Variants in PARD3 observed in about 807,000 individuals in gnomAD.
PARD3 encodes the protein par-3 family cell polarity regulator.
A neutral mutation model predicts 155.4 loss-of-function variants in PARD3; 75 were observed. The ratio of observed to expected loss-of-function variants is 0.48; its 90% CI spans 0.40 to 0.58. The LOEUF is 0.58. Ranked by LOEUF, PARD3 falls within the 20% of genes least tolerant of loss-of-function variation. PARD3 has a pLI of 0.00. For missense variants in PARD3, 1,642 were observed against 1,721.7 expected (o/e 0.95, Z 0.82); for synonymous variants, 576 against 610.5 (o/e 0.94, Z 0.83).
intron 1 of PARD3, among the ~76,000 whole-genome samples, chr10:34,755,916 T>C (rs960694957): frequency 6.6e-6 from 1 of 152,138 alleles, no homozygotes; most frequent in Non-Finnish European, 1.5e-5. Context: ...CTGAGAATTG[T>C]ACCTACTGGC....
At chr10:34,593,761 G>A (rs766194855) in intron 2 of PARD3, among the ~76,000 whole-genome samples, 39 of 152,182 alleles carry the variant, frequency 2.6e-4, no homozygotes, top group Non-Finnish European at 4.4e-4. Context: ...CCTGCACAGG[G>A]AAGACATGAG....
At chr10:34,628,635 T>A (rs943379969) in intron 2 of PARD3, among the ~76,000 whole-genome samples, 2 of 152,190 alleles carry the variant, frequency 1.3e-5, no homozygotes, top group African/African-American at 4.8e-5. Flanking sequence ...GTGAGTGGCT[T>A]CATCACGCCT....
intron 20 of PARD3, among the ~76,000 whole-genome samples, chr10:34,299,828 C>T (rs1957069376): frequency 6.6e-6 from 1 of 151,972 alleles, no homozygotes; most frequent in Non-Finnish European, 1.5e-5. Flanking sequence ...TAACTATTAC[C>T]AAAATTACCA....
chr10:34,208,117 T>C (rs1564482864), intron 22 of PARD3, among the ~76,000 whole-genome samples: 1 of 152,214 alleles, frequency 6.6e-6, no homozygotes, highest in Non-Finnish European at 1.5e-5. Context: ...CAGAATTGCA[T>C]TTTTTAGAGA....
chr10:34,724,873 T>C (rs528883695), intron 1 of PARD3, among the ~76,000 whole-genome samples: 1 of 152,288 alleles, frequency 6.6e-6, no homozygotes, highest in African/African-American at 2.4e-5. Context: ...GCTGGAGCAG[T>C]AGAAATGCTA....
intron 1 of PARD3, among the ~76,000 whole-genome samples, chr10:34,769,783 C>A (rs1436512458): frequency 1.1e-5 from 1 of 93,900 alleles, no homozygotes; most frequent in Non-Finnish European, 2.0e-5. Context: ...AACAAACAAA[C>A]AAACGAACAA....
intron 22 of PARD3, among the ~76,000 whole-genome samples, chr10:34,147,738 A>G (rs1378217998): frequency 6.6e-6 from 1 of 152,100 alleles, no homozygotes; most frequent in African/African-American, 2.4e-5. Context: ...TTTTTAAAAA[A>G]ATCTTTCAGC....
chr10:34,155,579 G>C (rs889024016), intron 22 of PARD3, among the ~76,000 whole-genome samples: 1 of 152,072 alleles, frequency 6.6e-6, no homozygotes, highest in Non-Finnish European at 1.5e-5. Flanking sequence ...AGGGTGATGG[G>C]TCAGGGCAGA....
chr10:34,774,454 G>T (rs2134117926), intron 1 of PARD3, among the ~76,000 whole-genome samples: 1 of 152,298 alleles, frequency 6.6e-6, no homozygotes, highest in South Asian at 2.1e-4. Flanking sequence ...CATTGGAAGG[G>T]ATTGCTGTTT....
intron 3 of PARD3, among the ~76,000 whole-genome samples, chr10:34,493,410 G>C (rs1022490251): frequency 6.6e-6 from 1 of 152,146 alleles, no homozygotes; most frequent in African/African-American, 2.4e-5. Context: ...GAATTTCTGA[G>C]AGTTGATGGT....
intron 1 of PARD3, among the ~76,000 whole-genome samples, chr10:34,696,663 G>A (rs1403866201): frequency 1.3e-5 from 2 of 150,250 alleles, no homozygotes; most frequent in African/African-American, 4.9e-5. Context: ...ATTATGATAG[G>A]AACTGCACAA....
chr10:34,667,037 G>A (rs533285493), intron 2 of PARD3, among the ~76,000 whole-genome samples: 1 of 151,754 alleles, frequency 6.6e-6, no homozygotes, highest in African/African-American at 2.4e-5. Context: ...ACGTGGTGGC[G>A]CATGCCTATA....
In PARD3 at chr10:34,754,637, TTC is replaced by T. The variant is rs141970986; in HGVS notation, c.121-58220_121-58219del. 4.6e-3 allele frequency among the ~76,000 whole-genome samples: 700 copies of T among 152,338 alleles called. 6 individuals carry two copies. The highest frequency in any genetic ancestry group is 0.016 in the African/African-American group (673 of 41,572). On this transcript the variant is annotated intron_variant, in intron 1 of 24. Transcript: ENST00000374788. ...CACTAATTTTTAAATCAGGCAGATT[TTC>T]TTTCTTTTACTAACATGTAAAAATT...
chr10:34,426,737 T>A (rs1197453515), intron 5 of PARD3: 1 of 151,942 alleles, frequency 6.6e-6, no homozygotes, highest in Non-Finnish European at 1.5e-5. Flanking sequence ...AAAAGATGAG[T>A]CACAACCAGA....
chr10:34,805,193 T>C (rs2134370027), intron 1 of PARD3, among the ~76,000 whole-genome samples: 1 of 152,122 alleles, frequency 6.6e-6, no homozygotes, highest in South Asian at 2.1e-4. Flanking sequence ...CTGTCTGTAC[T>C]AAAAATACAA....
At chr10:34,735,053 T>A (rs2094888798) in intron 1 of PARD3, among the ~76,000 whole-genome samples, 2 of 149,872 alleles carry the variant, frequency 1.3e-5, no homozygotes, top group African/African-American at 4.9e-5. Context: ...GAAAAGGATG[T>A]AAACATGTGA....
In PARD3 at chr10:34,265,160, C is replaced by T. The variant is rs78484218; in HGVS notation, c.3419+4497G>A. Among the ~76,000 whole-genome samples, 521 of 152,276 alleles carry T rather than the reference C, an allele frequency of 3.4e-3. 3 individuals carry two copies. The highest frequency in any genetic ancestry group is 0.022 in the South Asian group (106 of 4,822). Reference sequence around the variant, plus strand: ...AGGTGAAAAATCAAAATGTTACCCACGACACTAATAAACAGTAGTAACAGT... The same window carrying T: ...AGGTGAAAAATCAAAATGTTACCCATGACACTAATAAACAGTAGTAACAGT... On this transcript the variant is annotated intron_variant, in intron 22 of 24. Transcript: ENST00000374788.
chr10:34,696,865 G>A (rs2094181228), intron 1 of PARD3, among the ~76,000 whole-genome samples: 1 of 151,956 alleles, frequency 6.6e-6, no homozygotes, highest in Non-Finnish European at 1.5e-5. Flanking sequence ...AAAGTAGTTT[G>A]CACACCCTGG....
chr10:34,606,195 T>C (rs1339038655), intron 2 of PARD3, among the ~76,000 whole-genome samples: 4 of 114,690 alleles, frequency 3.5e-5, no homozygotes, highest in African/African-American at 1.3e-4. Context: ...TGTGTGTGTG[T>C]GTGTGTGTGT....
Sources: allele counts gnomAD v4.1 joint callset (sites outside exome capture counted in the v4.1 genomes callset), GRCh38; gene constraint gnomAD v4.1.1; transcripts MANE v1.5; gene names NCBI Gene and HGNC (gene_info 2026-07-23, HGNC 2026-07-21).